Variants in ANKRD26 observed in about 807,000 individuals in gnomAD.
ANKRD26 encodes ankyrin repeat domain 26.
ANKRD26 carries 141 observed loss-of-function variants against 208.7 expected under a neutral mutation model. That is an observed-to-expected ratio of 0.68 (90% confidence interval 0.59 to 0.78). ANKRD26 has a LOEUF of 0.78. Ranked by LOEUF, ANKRD26 falls within the 30% of genes least tolerant of loss-of-function variation. The probability of loss-of-function intolerance (pLI) is 0.00; values close to 1 mark genes in which losing one functional copy is unlikely to be tolerated. For synonymous variants in ANKRD26, 636 were observed against 660.4 expected (o/e 0.96, Z 0.57); for missense variants, 1,889 against 1,938.7 (o/e 0.97, Z 0.48).
intron 25 of ANKRD26, among the ~76,000 whole-genome samples, chr10:27,031,092 T>C (rs74834447): frequency 0.024 from 3,616 of 152,268 alleles, 121 homozygotes; most frequent in African/African-American, 0.082. Flanking sequence ...GGGAATTGTG[T>C]GCCAGGTCTG....
chr10:27,074,664 A>G (rs2055630786), intron 9 of ANKRD26, among the ~76,000 whole-genome samples: 1 of 151,808 alleles, frequency 6.6e-6, no homozygotes, highest in African/African-American at 2.4e-5. Flanking sequence ...TGACAGAGAG[A>G]CTCTGTCTCG....
the ANKRD26 span, among the ~76,000 whole-genome samples, chr10:26,950,984 A>C: frequency 9.4e-6 from 1 of 106,354 alleles, no homozygotes; most frequent in Admixed American, 9.1e-5. Flanking sequence ...TTCACTTTGT[A>C]TTATCCCTTT....
At chr10:27,007,047 G>A (rs1393767011) in intron 32 of ANKRD26, 85 bp from the exon 33 acceptor site, 4 of 967,356 alleles carry the variant, frequency 4.1e-6, no homozygotes, top group Non-Finnish European at 6.7e-6. Context: ...ACAAAATGTG[G>A]CCTGTAATAC....
chr10:27,054,313 G>A (rs545052669), intron 15 of ANKRD26, among the ~76,000 whole-genome samples: 14 of 152,094 alleles, frequency 9.2e-5, no homozygotes, highest in African/African-American at 1.2e-4. Context: ...AACCGGGTAC[G>A]GTGGCTCACA....
At chr10:27,064,125 G>C (rs767184497) in intron 11 of ANKRD26, 44 bp from the exon 12 acceptor site, 1 of 1,323,404 alleles carries the variant, frequency 7.6e-7, no homozygotes, top group Non-Finnish European at 1.1e-6. Context: ...TTTACAAAAA[G>C]AATGAATTGC....
At position 27,051,356 on chromosome 10, in the gene ANKRD26, A is replaced by T. The variant is rs752663233; in HGVS notation, c.1635+1964T>A. 5.6e-6 allele frequency: 7 copies of T among 1,253,914 alleles called. No homozygotes were observed. In the South Asian group the frequency reaches 8.1e-5, roughly 14 times the overall value. The allele number at this position is 1,253,914 out of a possible 1,614,324, so 77.7% of individuals were successfully genotyped here. On this transcript the variant is annotated intron_variant, in intron 16 of 33. Transcript: ENST00000376087. ...TACTATGCCTTTTTATGTGAAACATATGATTCATTTCTTTGGAGCAGATCA... is the reference window on the plus strand; with the variant it reads ...TACTATGCCTTTTTATGTGAAACATTTGATTCATTTCTTTGGAGCAGATCA...
At chr10:27,019,866 T>C (rs1009096737) in intron 29 of ANKRD26, among the ~76,000 whole-genome samples, 4 of 152,242 alleles carry the variant, frequency 2.6e-5, no homozygotes, top group African/African-American at 9.6e-5. Flanking sequence ...ACAACATTTA[T>C]TCTGTTCAGG....
chr10:26,950,062 C>T, the ANKRD26 span, among the ~76,000 whole-genome samples: 1 of 152,090 alleles, frequency 6.6e-6, no homozygotes, highest in African/African-American at 2.4e-5. Flanking sequence ...GTTTGGACGT[C>T]CCCTCCAAAT....
intron 18 of ANKRD26, among the ~76,000 whole-genome samples, chr10:27,045,550 T>C (rs2054412216): frequency 6.6e-6 from 1 of 152,152 alleles, no homozygotes; most frequent in Non-Finnish European, 1.5e-5. Flanking sequence ...AGATTGTCAA[T>C]AGTTTAATTT....
intron 4 of ANKRD26, among the ~76,000 whole-genome samples, chr10:26,998,384 T>C (rs1361821038): frequency 2.0e-5 from 3 of 152,234 alleles, no homozygotes; most frequent in African/African-American, 7.2e-5. Flanking sequence ...CCCAGGCATC[T>C]TTGAGCCTGT....
downstream of ANKRD26, among the ~76,000 whole-genome samples, chr10:27,003,404 C>T (rs1347937293): frequency 6.6e-6 from 1 of 152,156 alleles, no homozygotes; most frequent in Non-Finnish European, 1.5e-5. Context: ...AGAAAGTCAT[C>T]ATTTGGCAAC....
Position 27,035,050 on chromosome 10 carries a change from C to T in ANKRD26, c.3400G>A (p.Glu1134Lys). The T allele has an allele frequency of 6.2e-7, 1 of 1,613,868 alleles. No individual in the cohort carries two copies. The highest frequency in any genetic ancestry group is 8.5e-7 in the Non-Finnish European group (1 of 1,179,896). The change falls in exon 24 of 34, where the codon GAG (glutamate) becomes AAG (lysine). Residue 1134 changes from glutamate (E) to lysine (K), a missense_variant. Glu to Lys is a moderately conservative substitution (Grantham distance 56). Transcript: ENST00000376087. ...KYIGKQESVE[E>K]RLSQLQSENM... ...TCACTTTGTAGTTGAGACAATCTCT[C>T]CTCTACAGACTCCTGCTTTCCAATG...
chr10:27,007,957 T>A (rs1341169491), intron 32 of ANKRD26, among the ~76,000 whole-genome samples: 1 of 151,996 alleles, frequency 6.6e-6, no homozygotes, highest in Non-Finnish European at 1.5e-5. Flanking sequence ...GGTAGAATTA[T>A]AAACAAAAAA....
intron 7 of ANKRD26, among the ~76,000 whole-genome samples, chr10:27,078,677 C>T (rs2055786874): frequency 6.6e-6 from 1 of 152,012 alleles, no homozygotes; most frequent in Non-Finnish European, 1.5e-5. Context: ...TCATCTACTA[C>T]TACCTGAAAG....
Position 27,100,336 on chromosome 10 carries a change from G to T in ANKRD26, c.-10C>A. ...TAAAAATCTTCTTCATGGCCCAGGC[G>T]ACCGGGCTTCAGAGACACCTCATGT... is the stretch of plus-strand genomic sequence containing the variant. On this transcript the variant is annotated 5_prime_UTR_variant, in exon 1 of 34. Transcript: ENST00000376087. The T allele has an allele frequency of 1.2e-6, 2 of 1,605,668 alleles. No individual in the cohort carries two copies. The highest frequency in any genetic ancestry group is 2.2e-5 in the South Asian group (2 of 90,852).
intron 7 of ANKRD26, 114 bp downstream of exon 7, chr10:27,078,975 C>A: frequency 1.3e-6 from 1 of 789,480 alleles, no homozygotes. Context: ...CCCTGACCAC[C>A]TTTCCATTAC....
At chr10:27,063,837 A>T (rs765944285) in intron 12 of ANKRD26, 151 bp downstream of exon 12, 55 of 684,780 alleles carry the variant, frequency 8.0e-5, no homozygotes, top group Non-Finnish European at 1.2e-4. Flanking sequence ...GCTGACACCT[A>T]AGATATACAA....
intron 15 of ANKRD26, among the ~76,000 whole-genome samples, chr10:27,056,263 C>T (rs189362055): frequency 0.013 from 2,014 of 152,132 alleles, 29 homozygotes; most frequent in Middle Eastern, 0.031. Flanking sequence ...CTGCAACCTT[C>T]GCCTCCTAGG....
At chr10:27,099,562 T>TGC (rs1554799446) in intron 1 of ANKRD26, among the ~76,000 whole-genome samples, 5 of 113,658 alleles carry the variant, frequency 4.4e-5, no homozygotes, top group African/African-American at 1.7e-4. Flanking sequence ...CTATTAGAGT[T>TGC]GGGGGGGGGG....
Sources: allele counts gnomAD v4.1 joint callset (sites outside exome capture counted in the v4.1 genomes callset), GRCh38; gene constraint gnomAD v4.1.1; transcripts MANE v1.5; gene names NCBI Gene and HGNC (gene_info 2026-07-23, HGNC 2026-07-21).